The following CFAP97D1 variants were observed in gnomAD, a reference collection of about 807,000 sequenced individuals.
The protein encoded by CFAP97D1 is sperm axonemal maintenance protein CFAP97D1.
In CFAP97D1, 15 loss-of-function variants were observed where a neutral mutation model predicts 20.5. The ratio of observed to expected loss-of-function variants is 0.73; its 90% CI spans 0.49 to 1.13. CFAP97D1 has a LOEUF of 1.13. CFAP97D1 is among the 50% of genes most tolerant of loss of function. CFAP97D1 has a pLI of 0.00. For missense variants in CFAP97D1, 168 were observed against 202.9 expected (o/e 0.83, Z 1.04); for synonymous variants, 58 against 71.2 (o/e 0.82, Z 0.93).
chr17:43,783,725 C>G (rs1025001496), intron 4 of CFAP97D1, 112 bp from the exon 5 acceptor site: 8 of 807,444 alleles, frequency 9.9e-6, no homozygotes, highest in African/African-American at 3.4e-5. Flanking sequence ...TAAAAAACCT[C>G]CACTTACCGA....
chr17:43,782,087 C>A (rs960477983), intron 3 of CFAP97D1, among the ~76,000 whole-genome samples, 195 bp downstream of exon 3: 2 of 152,186 alleles, frequency 1.3e-5, no homozygotes, highest in African/African-American at 4.8e-5. Flanking sequence ...GCTTTTATTT[C>A]ATCGAAGAGA....
chr17:43,781,709 A>C, intron 2 of CFAP97D1, 65 bp from the exon 3 acceptor site: 1 of 1,006,046 alleles, frequency 9.9e-7, no homozygotes, highest in Non-Finnish European at 1.5e-6. Flanking sequence ...GGGGAACACT[A>C]AGTCATTGTG....
At position 43,787,040 on chromosome 17, in the gene CFAP97D1, C is replaced by A. The variant is rs932579044; in HGVS notation, c.*2658C>A. Reference sequence around the variant, plus strand: ...GGAGTGCAGTGGCACGATCTTGGCTCACTGCAACCTCCACCTCTGGGGTTC... The same window carrying A: ...GGAGTGCAGTGGCACGATCTTGGCTAACTGCAACCTCCACCTCTGGGGTTC... On this transcript the variant is annotated 3_prime_UTR_variant, in exon 6 of 6. Transcript: ENST00000449302. The A allele has an allele frequency of 7.9e-5, 12 of 152,092 alleles. No individual in the cohort carries two copies. The highest frequency in any genetic ancestry group is 2.7e-4 in the African/African-American group (11 of 41,406). The allele number at this position is 152,092 out of a possible 1,614,324, so 9.4% of individuals were successfully genotyped here.
At chr17:43,781,225 AT>A in intron 2 of CFAP97D1, 36 bp downstream of exon 2, 2 of 1,488,190 alleles carry the variant, frequency 1.3e-6, no homozygotes, top group Non-Finnish European at 9.2e-7. Flanking sequence ...GTGCAGATGT[AT>A]TTTATTGACT....
rs1262028570 is a variant in CFAP97D1 at position 43,783,319 on chromosome 17, T to A, written c.438+16T>A. On this transcript the variant is annotated intron_variant, in intron 4 of 5. Coordinates refer to ENST00000449302, the MANE Select transcript of CFAP97D1 (RefSeq NM_001136483.3). Reference sequence around the variant, plus strand: ...AGACTGGCAGGCACGTGGGCACTCATGTTATACTCCCAGACACACACAGAG... The same window carrying A: ...AGACTGGCAGGCACGTGGGCACTCAAGTTATACTCCCAGACACACACAGAG... 2 of 1,550,714 alleles carry A rather than the reference T, an allele frequency of 1.3e-6. No individual in the cohort carries two copies. The highest frequency in any genetic ancestry group is 4.9e-5 in the East Asian group (2 of 40,924).
intron 5 of CFAP97D1, among the ~76,000 whole-genome samples, chr17:43,784,171 G>A (rs2154590823): frequency 6.6e-6 from 1 of 152,336 alleles, no homozygotes; most frequent in Non-Finnish European, 1.5e-5. Flanking sequence ...TGGAAGACCT[G>A]TGGCTTTAAA....
intron 3 of CFAP97D1, 183 bp from the exon 4 acceptor site, chr17:43,782,997 G>A (rs547865207): frequency 7.5e-5 from 48 of 637,816 alleles, no homozygotes; most frequent in Non-Finnish European, 1.2e-4. Context: ...CTGCGAATGC[G>A]GTGCATGTTT....
At chr17:43,783,686 C>T in intron 4 of CFAP97D1, 151 bp from the exon 5 acceptor site, 1 of 651,708 alleles carries the variant, frequency 1.5e-6, no homozygotes, top group Non-Finnish European at 2.7e-6. Flanking sequence ...TTAAAAAGGC[C>T]AGGGGAGGGG....
At chr17:43,781,032 C>T in intron 1 of CFAP97D1, 87 bp from the exon 2 acceptor site, 1 of 1,005,378 alleles carries the variant, frequency 9.9e-7, no homozygotes. Flanking sequence ...GTTCATTAGT[C>T]AAGGACATTG....
chr17:43,781,659 T>C (rs1289749295), intron 2 of CFAP97D1, 115 bp from the exon 3 acceptor site: 5 of 730,586 alleles, frequency 6.8e-6, no homozygotes, highest in Non-Finnish European at 1.2e-5. Flanking sequence ...CAGTCTCCAC[T>C]GTGGCCCTCA....
rs1286583159 is a variant in CFAP97D1, at chr17:43,781,767, T to C, written c.196-7T>C. On this transcript the variant is annotated splice_polypyrimidine_tract_variant and splice_region_variant and intron_variant, in intron 2 of 5. Coordinates refer to ENST00000449302, the MANE Select transcript of CFAP97D1 (RefSeq NM_001136483.3). The stretch of plus-strand genomic sequence containing the variant: ...TGTCACCATGGTGAGGTGTGGTTTC[T>C]TACCAGGGTGAACAAAAGAAAATCA... 2.7e-5 allele frequency: 41 copies of C among 1,540,138 alleles called. No homozygotes were observed. Among genetic ancestry groups the C allele is most frequent in the Non-Finnish European group, 3.4e-5 (39 of 1,136,630 alleles).
intron 4 of CFAP97D1, 146 bp downstream of exon 4, chr17:43,783,449 A>G: frequency 9.0e-7 from 1 of 1,112,042 alleles, no homozygotes; most frequent in Non-Finnish European, 1.3e-6. Context: ...ATCCAAAGCA[A>G]ACAAAGCTAA....
intron 3 of CFAP97D1, 93 bp downstream of exon 3, chr17:43,781,985 C>T: frequency 1.2e-6 from 1 of 830,408 alleles, no homozygotes; most frequent in Non-Finnish European, 2.0e-6. Context: ...CAGAGAAGTA[C>T]TTAAGGGAAG....
chr17:43,781,627 C>T, intron 2 of CFAP97D1, 147 bp from the exon 3 acceptor site: 1 of 648,390 alleles, frequency 1.5e-6, no homozygotes. Flanking sequence ...GCCCGGCCGC[C>T]CAGTCTTTTA....
chr17:43,780,699 T>C (rs1974462864), intron 1 of CFAP97D1, 113 bp downstream of exon 1: 14 of 1,209,906 alleles, frequency 1.2e-5, no homozygotes, highest in Non-Finnish European at 1.6e-5. Flanking sequence ...TATGGCCTTA[T>C]CTGCTGAGTT....
intron 2 of CFAP97D1, 78 bp from the exon 3 acceptor site, chr17:43,781,696 G>C: frequency 1.1e-6 from 1 of 943,956 alleles, no homozygotes; most frequent in South Asian, 1.4e-5. Context: ...CGATCTCAGA[G>C]GAGGGGAACA....
Position 43,783,226 on chromosome 17 carries a change from G to A in CFAP97D1, c.361G>A (p.Glu121Lys). Residue 121 changes from glutamate (E) to lysine (K), a missense_variant, in exon 4 of 6, where the codon GAA (glutamate) becomes AAA (lysine). By Grantham distance (56) the Glu-to-Lys change is moderately conservative (BLOSUM62 1). Transcript: ENST00000449302. ...RNRELVRITM[E>K]NQGILKRLVD... ...CCGCGAGCTAGTGAGAATCACCATG[G>A]AAAACCAGGGCATTCTGAAGAGGCT... is the stretch of plus-strand genomic sequence containing the variant. The A allele has an allele frequency of 6.4e-7, 1 of 1,551,434 alleles. No homozygotes were observed.
intron 3 of CFAP97D1, 56 bp from the exon 4 acceptor site, chr17:43,783,124 A>G (rs1467962048): frequency 6.5e-7 from 1 of 1,549,526 alleles, no homozygotes; most frequent in South Asian, 1.2e-5. Context: ...CATCTCCCCC[A>G]CTCGTCAAGA....
intron 4 of CFAP97D1, 50 bp from the exon 5 acceptor site, chr17:43,783,786 TA>T: frequency 7.5e-7 from 1 of 1,337,650 alleles, no homozygotes; most frequent in East Asian, 2.5e-5. Context: ...AGAACTTCAG[TA>T]ATAGCACCAA....
Sources: allele counts gnomAD v4.1 joint callset (sites outside exome capture counted in the v4.1 genomes callset), GRCh38; gene constraint gnomAD v4.1.1; transcripts MANE v1.5; gene names NCBI Gene and HGNC (gene_info 2026-07-23, HGNC 2026-07-21).